SLC25A38: variants seen among roughly 807,000 people sequenced by gnomAD.
The protein encoded by SLC25A38 is mitochondrial glycine transporter.
SLC25A38 carries 27 observed loss-of-function variants against 33.4 expected under a neutral mutation model. The ratio of observed to expected loss-of-function variants is 0.81; its 90% CI spans 0.60 to 1.11. The LOEUF (loss-of-function observed/expected upper bound fraction) is 1.11. Ranked by LOEUF, SLC25A38 falls within the 50% of genes most tolerant of loss-of-function variation. The probability of loss-of-function intolerance (pLI) is 0.00; values close to 1 mark genes in which losing one functional copy is unlikely to be tolerated. For missense variants in SLC25A38, 344 were observed against 388.8 expected (o/e 0.88, Z 0.97); for synonymous variants, 123 against 145.9 (o/e 0.84, Z 1.13).
Position 39,383,938 on chromosome 3 carries a change from C to G in SLC25A38, c.69+145C>G. 3 of 935,948 alleles carry G rather than the reference C, an allele frequency of 3.2e-6. 1 individual carries two copies. The South Asian group carries it at 4.3e-5, about 13-fold the overall frequency. 58.0% of individuals were successfully genotyped at this position (935,948 alleles called of 1,614,324 possible). On this transcript the variant is annotated intron_variant, in intron 1 of 6. Coordinates refer to ENST00000650617, the MANE Select transcript of SLC25A38 (RefSeq NM_017875.4). ...AGGATGCGGCGGGAGAGGAGTCTGACTAAGGGAATTGAGAAGGGGGCAGGG... is the reference window on the plus strand; with the variant it reads ...AGGATGCGGCGGGAGAGGAGTCTGAGTAAGGGAATTGAGAAGGGGGCAGGG...
At chr3:39,384,359 T>G in intron 1 of SLC25A38, 7 of 259,820 alleles carry the variant, frequency 2.7e-5, no homozygotes, top group Non-Finnish European at 4.3e-5. Context: ...GCCGGGCCGC[T>G]ATTGGTGGAG....
intron 5 of SLC25A38, 144 bp downstream of exon 5, chr3:39,392,165 C>T: frequency 8.9e-7 from 1 of 1,119,196 alleles, no homozygotes; most frequent in Non-Finnish European, 1.3e-6. Context: ...AACTGGGATG[C>T]AAAGGTGGAT....
intron 3 of SLC25A38, among the ~76,000 whole-genome samples, chr3:39,390,733 C>T (rs972169868): frequency 6.6e-6 from 1 of 152,204 alleles, no homozygotes; most frequent in Non-Finnish European, 1.5e-5. Flanking sequence ...ATAGTCTCTA[C>T]AGCATAGGTA....
At chr3:39,384,638 T>C in intron 1 of SLC25A38, 2 of 398,470 alleles carry the variant, frequency 5.0e-6, no homozygotes, top group Non-Finnish European at 8.8e-6. Context: ...GGACTTAGGA[T>C]AGTTTTTTCA....
rs2041841065 is a variant in SLC25A38 at position 39,397,133 on chromosome 3, T to C, written c.*613T>C. Reference sequence around the variant, plus strand: ...TTTTTTGGTCTTGGCCCCTGTACTGTTTTACCTCTAAATTCTGGCATTTTT... The same window carrying C: ...TTTTTTGGTCTTGGCCCCTGTACTGCTTTACCTCTAAATTCTGGCATTTTT... On this transcript the variant is annotated 3_prime_UTR_variant, in exon 7 of 7. Transcript: ENST00000650617. 1 of 154,300 alleles carries C rather than the reference T, an allele frequency of 6.5e-6. No homozygotes were observed. Among genetic ancestry groups the C allele is most frequent in the African/African-American group, 2.4e-5 (1 of 41,204 alleles). 9.6% of individuals were successfully genotyped at this position (154,300 alleles called of 1,614,324 possible). A position where few individuals can be genotyped will look rare whatever the true frequency, so the allele number is the denominator to read the frequency against.
Position 39,384,011 on chromosome 3 carries a change from G to T in SLC25A38, c.69+218G>T, listed in dbSNP as rs150907810. 0.013 allele frequency among the ~76,000 whole-genome samples: 1,927 copies of T among 152,338 alleles called. 42 individuals are homozygous for T. Among genetic ancestry groups the T allele is most frequent in the African/African-American group, 0.044 (1,820 of 41,572 alleles). ...CAGGCCAGCCCTGGGGGCAGGCGCTGTAGGGCCGATGTCCCGGTAAAGGGC... is the reference window on the plus strand; with the variant it reads ...CAGGCCAGCCCTGGGGGCAGGCGCTTTAGGGCCGATGTCCCGGTAAAGGGC... On this transcript the variant is annotated intron_variant, in intron 1 of 6. Coordinates refer to ENST00000650617, the MANE Select transcript of SLC25A38 (RefSeq NM_017875.4).
Position 39,395,677 on chromosome 3 carries a change from G to C in SLC25A38, c.793-721G>C, listed in dbSNP as rs143546938. 2.3e-3 allele frequency among the ~76,000 whole-genome samples: 350 copies of C among 152,078 alleles called. 2 individuals are homozygous for C. Among genetic ancestry groups the C allele is most frequent in the African/African-American group, 8.1e-3 (335 of 41,494 alleles). ...AAGAGAGGGCCACCAAGAGCATACAGTGAATTACAAAAAGATAAGACAAAT... is the reference window on the plus strand; with the variant it reads ...AAGAGAGGGCCACCAAGAGCATACACTGAATTACAAAAAGATAAGACAAAT... On this transcript the variant is annotated intron_variant, in intron 6 of 6. Transcript: ENST00000650617.
At chr3:39,390,575 C>G in intron 3 of SLC25A38, 68 bp downstream of exon 3, 1 of 1,469,624 alleles carries the variant, frequency 6.8e-7, no homozygotes, top group South Asian at 1.1e-5. Flanking sequence ...TCTCATCTAC[C>G]TTACCAGCTC....
intron 1 of SLC25A38, chr3:39,384,503 G>A (rs991296689): frequency 1.0e-5 from 4 of 390,132 alleles, no homozygotes; most frequent in African/African-American, 6.2e-5. Context: ...AGGTAGGGGC[G>A]GCTTTTATTT....
At chr3:39,386,718 G>A (rs1413979764) in intron 1 of SLC25A38, among the ~76,000 whole-genome samples, 1 of 152,226 alleles carries the variant, frequency 6.6e-6, no homozygotes. Flanking sequence ...ATGGATTGGT[G>A]GATTTGAGAG....
At position 39,383,539 on chromosome 3, in the gene SLC25A38, C is replaced by T. The variant is rs909960375; in HGVS notation, c.-186C>T. On this transcript the variant is annotated 5_prime_UTR_variant, in exon 1 of 7. Transcript: ENST00000650617. ...GCAAGATTGTTCCGCGCCCGCAGCC[C>T]CTGGACTAGCAGGATCCGAACCCCG... 3.1e-6 allele frequency: 2 copies of T among 635,468 alleles called. No homozygotes were observed. The highest frequency in any genetic ancestry group is 5.6e-6 in the Non-Finnish European group (2 of 356,484). The allele number at this position is 635,468 out of a possible 1,614,324, so 39.4% of individuals were successfully genotyped here.
rs760483420 is a variant in SLC25A38, at chr3:39,394,422, C to G, written c.638C>G (p.Ala213Gly). The G allele has an allele frequency of 6.2e-7, 1 of 1,612,810 alleles. No homozygotes were observed. Among genetic ancestry groups the G allele is most frequent in the South Asian group, 1.1e-5 (1 of 91,006 alleles). ...TGTTCTATTTCAGACCAGGTGGATG[C>G]AACCCTTATTCCTATTACAAATTTC... ...KNIVPHDQVD[A>G]TLIPITNFSC... Residue 213 changes from alanine to glycine, a missense_variant, in exon 6 of 7, where the codon GCA becomes GGA. Physicochemically the swap from Ala to Gly is moderately conservative, Grantham distance 60. Coordinates refer to ENST00000650617, the MANE Select transcript of SLC25A38 (RefSeq NM_017875.4).
chr3:39,393,713 G>C (rs929704956), intron 5 of SLC25A38, among the ~76,000 whole-genome samples: 4 of 152,126 alleles, frequency 2.6e-5, no homozygotes, highest in African/African-American at 9.7e-5. Flanking sequence ...TGCCCAGGCT[G>C]GTCTTGAACT....
intron 1 of SLC25A38, among the ~76,000 whole-genome samples, chr3:39,386,473 C>T (rs2041709019): frequency 6.6e-6 from 1 of 152,144 alleles, no homozygotes; most frequent in Non-Finnish European, 1.5e-5. Flanking sequence ...ACTCGTGAGG[C>T]TGAGGTGGGA....
rs774589344 is a variant in SLC25A38 at position 39,391,578 on chromosome 3, G to A, written c.414G>A (p.Gly138=). The A allele has an allele frequency of 6.2e-7, 1 of 1,614,168 alleles. No homozygotes were observed. The highest frequency in any genetic ancestry group is 2.2e-5 in the East Asian group (1 of 44,882). Residue 138 remains glycine (G), a synonymous_variant, in exon 4 of 7, where the codon GGG becomes GGA. Transcript: ENST00000650617. The part of the protein sequence containing the change: ...MLGVGSRSVA[G]VCMSPITVIK... ...GGGTGGGCTCTCGCTCTGTTGCAGG[G>A]GTCTGTATGTCACCTATCACTGTAA... is the stretch of plus-strand genomic sequence containing the variant.
At chr3:39,394,719 T>A in intron 6 of SLC25A38, 143 bp downstream of exon 6, 1 of 937,376 alleles carries the variant, frequency 1.1e-6, no homozygotes, top group Non-Finnish European at 1.6e-6. Context: ...AGGCCAACTA[T>A]ATCAGAATGT....
intron 1 of SLC25A38, among the ~76,000 whole-genome samples, chr3:39,385,723 G>T (rs1486092765): frequency 6.6e-6 from 1 of 152,222 alleles, no homozygotes; most frequent in Admixed American, 6.5e-5. Context: ...GTCAGTTCTT[G>T]AGATATCACC....
chr3:39,388,299 T>C (rs1451371405), intron 1 of SLC25A38: 1 of 152,216 alleles, frequency 6.6e-6, no homozygotes, highest in African/African-American at 2.4e-5. Flanking sequence ...ACTTCAGAAG[T>C]TATTGCATCG....
rs757914700 is a variant in SLC25A38, at chr3:39,396,480, T to C, written c.875T>C (p.Val292Ala). ...CTAATGGCAGCAATGGCGTGGACGG[T>C]GTATGAAGAGATGATGGCCAAGATG... ...RTLMAAMAWT[V>A]YEEMMAKMGL... Residue 292 changes from valine to alanine, a missense_variant, in exon 7 of 7, where the codon GTG (valine) becomes GCG (alanine). Around this residue, in one of 2 missense-constraint regions of SLC25A38, gnomAD observed 75 missense variants for 117.0 expected, o/e 0.64. Coordinates refer to ENST00000650617, the MANE Select transcript of SLC25A38 (RefSeq NM_017875.4). 6.2e-7 allele frequency: 1 copy of C among 1,613,488 alleles called. No individual in the cohort carries two copies. Among genetic ancestry groups the C allele is most frequent in the Non-Finnish European group, 8.5e-7 (1 of 1,179,838 alleles).
Sources: gnomAD v4.1 joint callset for allele counts (sites outside exome capture counted in the v4.1 genomes callset) on GRCh38, gnomAD v4.1.1 for gene constraint, gnomAD v4.1.1 regional missense constraint, MANE v1.5 for transcripts, NCBI Gene and HGNC (gene_info 2026-07-23, HGNC 2026-07-21) for gene names.